The following TTBK2 variants were observed in gnomAD, a reference collection of about 807,000 sequenced individuals.
TTBK2 encodes tau-tubulin kinase 2.
TTBK2 carries 28 observed loss-of-function variants against 110.8 expected under a neutral mutation model. The ratio of observed to expected loss-of-function variants is 0.25; its 90% CI spans 0.19 to 0.35. The LOEUF is 0.35. Ranked by LOEUF, TTBK2 falls within the 10% of genes least tolerant of loss-of-function variation. The pLI is 1.00. For synonymous variants in TTBK2, 532 were observed against 527.3 expected (o/e 1.01, Z -0.12); for missense variants, 1,369 against 1,500.3 (o/e 0.91, Z 1.45).
intron 3 of TTBK2, among the ~76,000 whole-genome samples, chr15:42,864,645 C>A (rs1464589847): frequency 1.3e-5 from 2 of 151,954 alleles, no homozygotes; most frequent in Admixed American, 1.3e-4. Flanking sequence ...CTGTACCCCC[C>A]AAAATTATCC....
chr15:42,799,784 C>T (rs148703144), intron 9 of TTBK2, among the ~76,000 whole-genome samples: 150 of 152,212 alleles, frequency 9.9e-4, no homozygotes, highest in Non-Finnish European at 1.8e-3. Flanking sequence ...GTGTCAACCC[C>T]TCTTCTACTT....
intron 3 of TTBK2, among the ~76,000 whole-genome samples, chr15:42,845,851 C>T (rs1193240343): frequency 6.6e-6 from 1 of 152,004 alleles, no homozygotes; most frequent in African/African-American, 2.4e-5. Context: ...TATGGTACAG[C>T]CTATTGCTCC....
chr15:42,793,137 A>C lies in TTBK2; in HGVS notation c.980+1507T>G, dbSNP rs993666022. On this transcript the variant is annotated intron_variant, in intron 10 of 14. Coordinates refer to ENST00000267890, the MANE Select transcript of TTBK2 (RefSeq NM_173500.4). ...GCTGGACCTAGGGCAGTGGATCCCA[A>C]ACTCTGATAAGCATGAGAAATACTT... Among the ~76,000 whole-genome samples, 4 of 152,166 alleles carry C rather than the reference A, an allele frequency of 2.6e-5. No homozygotes were observed. In the East Asian group the frequency reaches 7.7e-4, roughly 29 times the overall value.
At chr15:42,833,521 C>A (rs1363922892) in intron 4 of TTBK2, among the ~76,000 whole-genome samples, 1 of 152,110 alleles carries the variant, frequency 6.6e-6, no homozygotes, top group African/African-American at 2.4e-5. Flanking sequence ...CCCCTCCCAC[C>A]CACATGTACT....
At chr15:42,898,994 T>A (rs532389416) in intron 1 of TTBK2, among the ~76,000 whole-genome samples, 1 of 152,250 alleles carries the variant, frequency 6.6e-6, no homozygotes, top group Admixed American at 6.5e-5. Context: ...TTGTAGAATT[T>A]TTTTTGGCAG....
intron 1 of TTBK2, among the ~76,000 whole-genome samples, chr15:42,884,810 G>A (rs59589598): frequency 0.013 from 2,013 of 152,314 alleles, 47 homozygotes; most frequent in African/African-American, 0.044. Context: ...TGACCTGCAC[G>A]TATACATCCA....
intron 2 of TTBK2, among the ~76,000 whole-genome samples, chr15:42,873,938 T>C (rs1894710213): frequency 6.6e-6 from 1 of 152,210 alleles, no homozygotes; most frequent in Admixed American, 6.5e-5. Flanking sequence ...TTTCTCCACT[T>C]GATCTTCACT....
intron 9 of TTBK2, chr15:42,798,252 T>C (rs2140882746): frequency 2.2e-6 from 1 of 456,242 alleles, no homozygotes; most frequent in East Asian, 6.9e-5. Context: ...AGGGACTCAC[T>C]GTGGCAGTAA....
chr15:42,802,289 G>C, intron 9 of TTBK2: 1 of 792,206 alleles, frequency 1.3e-6, no homozygotes, highest in Non-Finnish European at 2.3e-6. Flanking sequence ...CTGCCCATTC[G>C]GGAGAAGCTC....
At chr15:42,801,547 C>T (rs763936521) in intron 9 of TTBK2, 2 of 766,746 alleles carry the variant, frequency 2.6e-6, no homozygotes, top group Non-Finnish European at 4.8e-6. Flanking sequence ...CCAGCGTCTG[C>T]AGCTCCTTAT....
At chr15:42,861,402 C>T (rs191258336) in intron 3 of TTBK2, among the ~76,000 whole-genome samples, 1 of 152,274 alleles carries the variant, frequency 6.6e-6, no homozygotes, top group African/African-American at 2.4e-5. Context: ...CTAGCACTCT[C>T]AGACCACAGT....
At chr15:42,766,088 C>T (rs935390525) in intron 13 of TTBK2, among the ~76,000 whole-genome samples, 1 of 152,100 alleles carries the variant, frequency 6.6e-6, no homozygotes, top group African/African-American at 2.4e-5. Flanking sequence ...TTGTCACCTC[C>T]AGGCCTGCCT....
intron 1 of TTBK2, among the ~76,000 whole-genome samples, chr15:42,902,529 T>TA (rs1213803990): frequency 1.4e-4 from 21 of 149,812 alleles, no homozygotes; most frequent in African/African-American, 2.0e-4. Context: ...TTATGTATAT[T>TA]AAAAAAAAAC....
At chr15:42,895,978 A>T (rs1469616701) in intron 1 of TTBK2, among the ~76,000 whole-genome samples, 1 of 151,924 alleles carries the variant, frequency 6.6e-6, no homozygotes, top group Non-Finnish European at 1.5e-5. Context: ...GTCTGTATGG[A>T]TTTGCCTATT....
chr15:42,821,823 G>A (rs1176312747), intron 6 of TTBK2, among the ~76,000 whole-genome samples: 1 of 151,764 alleles, frequency 6.6e-6, no homozygotes, highest in East Asian at 1.9e-4. Context: ...CCAAGTAGCT[G>A]GGACTACAGG....
chr15:42,848,779 T>G (rs1893575183), intron 3 of TTBK2, among the ~76,000 whole-genome samples: 1 of 152,232 alleles, frequency 6.6e-6, no homozygotes, highest in East Asian at 1.9e-4. Flanking sequence ...CGTGAGCCAC[T>G]GTGCCCAGCC....
intron 14 of TTBK2, among the ~76,000 whole-genome samples, chr15:42,749,467 G>A (rs889687694): frequency 1.8e-4 from 28 of 152,178 alleles, no homozygotes; most frequent in African/African-American, 6.5e-4. Context: ...CCCATTCCCG[G>A]CCCCATGGCA....
At chr15:42,842,493 G>A (rs1893260590) in intron 3 of TTBK2, among the ~76,000 whole-genome samples, 1 of 152,106 alleles carries the variant, frequency 6.6e-6, no homozygotes, top group Non-Finnish European at 1.5e-5. Flanking sequence ...TTGAAAGTAA[G>A]GAAGAGTAAC....
intron 1 of TTBK2, among the ~76,000 whole-genome samples, chr15:42,913,374 T>C (rs1269904883): frequency 6.6e-6 from 1 of 151,984 alleles, no homozygotes; most frequent in Non-Finnish European, 1.5e-5. Context: ...GCGTGGTGGC[T>C]CACATCTGTA....
Sources: allele counts gnomAD v4.1 joint callset (sites outside exome capture counted in the v4.1 genomes callset), GRCh38; gene constraint gnomAD v4.1.1; transcripts MANE v1.5; gene names NCBI Gene and HGNC (gene_info 2026-07-23, HGNC 2026-07-21).